Variants in TIAM1 observed in about 807,000 individuals in gnomAD.
The protein encoded by TIAM1 is TIAM Rac1 associated GEF 1.
Under a neutral mutation model 163.5 loss-of-function variants are expected in TIAM1, and 65 were observed. The ratio of observed to expected loss-of-function variants is 0.40; its 90% CI spans 0.33 to 0.49. The LOEUF (loss-of-function observed/expected upper bound fraction) is 0.49. TIAM1 is among the 20% of genes least tolerant of loss of function. The probability of loss-of-function intolerance (pLI) is 0.77; values close to 1 mark genes in which losing one functional copy is unlikely to be tolerated. For missense variants in TIAM1, 1,789 were observed against 2,044.7 expected, an observed-to-expected ratio of 0.87 and a Z score of 2.41; for synonymous variants, 833 against 810.1, an observed-to-expected ratio of 1.03 and a Z score of -0.48.
At chr21:31,405,471 G>C (rs960414452) in intron 2 of TIAM1, among the ~76,000 whole-genome samples, 3 of 152,010 alleles carry the variant, frequency 2.0e-5, no homozygotes, top group Admixed American at 2.0e-4. Flanking sequence ...CACTTCCCCT[G>C]TATTAGTCCA....
At chr21:31,343,402 A>C (rs1217709927) in intron 1 of TIAM1, among the ~76,000 whole-genome samples, 1 of 152,174 alleles carries the variant, frequency 6.6e-6, no homozygotes, top group Non-Finnish European at 1.5e-5. Flanking sequence ...AGCCCCCAGC[A>C]CCACCTTCCA....
intron 1 of TIAM1, among the ~76,000 whole-genome samples, chr21:31,502,923 A>G (rs889780284): frequency 5.9e-5 from 9 of 152,178 alleles, no homozygotes; most frequent in African/African-American, 1.7e-4. Flanking sequence ...TTGAGTTAGG[A>G]TGATGAAATT....
At chr21:31,394,278 A>G (rs888471788) in intron 2 of TIAM1, among the ~76,000 whole-genome samples, 5 of 152,160 alleles carry the variant, frequency 3.3e-5, no homozygotes, top group Non-Finnish European at 7.4e-5. Context: ...TATGACTCCA[A>G]CTACACGACA....
At chr21:31,272,115 A>G (rs1484679836) in intron 3 of TIAM1, among the ~76,000 whole-genome samples, 2 of 152,214 alleles carry the variant, frequency 1.3e-5, no homozygotes, top group African/African-American at 2.4e-5. Context: ...ATGGCTCAGA[A>G]CACTTACATT....
intron 17 of TIAM1, among the ~76,000 whole-genome samples, chr21:31,153,778 G>T (rs574036781): frequency 6.6e-6 from 1 of 151,952 alleles, no homozygotes; most frequent in Non-Finnish European, 1.5e-5. Flanking sequence ...TCACAAGAAG[G>T]CTGGGCGTGG....
chr21:31,270,037 T>C (rs2072988310), intron 3 of TIAM1, among the ~76,000 whole-genome samples: 1 of 152,222 alleles, frequency 6.6e-6, no homozygotes, highest in Non-Finnish European at 1.5e-5. Flanking sequence ...ATCATCTTAA[T>C]TTCTTCCTAT....
intron 2 of TIAM1, among the ~76,000 whole-genome samples, chr21:31,414,473 G>C (rs930962477): frequency 6.6e-6 from 1 of 152,136 alleles, no homozygotes; most frequent in Non-Finnish European, 1.5e-5. Flanking sequence ...CTAATTCCAG[G>C]GGCCAGTGGC....
At chr21:31,246,345 A>G (rs2071501531) in intron 5 of TIAM1, among the ~76,000 whole-genome samples, 2 of 152,232 alleles carry the variant, frequency 1.3e-5, no homozygotes, top group African/African-American at 4.8e-5. Flanking sequence ...TGTGAAACTA[A>G]CAAGATAGTA....
Position 31,136,231 on chromosome 21 carries a change from T to C in TIAM1, c.3775-190A>G, listed in dbSNP as rs577961373. Among the ~76,000 whole-genome samples the C allele has an allele frequency of 2.0e-3, 312 of 152,362 alleles. 1 individual carries two copies. Among genetic ancestry groups the C allele is most frequent in the Non-Finnish European group, 3.3e-3 (223 of 68,042 alleles). On this transcript the variant is annotated intron_variant, in intron 22 of 27. Transcript: ENST00000541036. ...GATTTAGCCATTCCACAATGTAACA[T>C]ATCAAAACATCATGTTGTACACCAT... is the stretch of plus-strand genomic sequence containing the variant.
At chr21:31,487,147 G>T (rs963456677) in intron 1 of TIAM1, among the ~76,000 whole-genome samples, 2 of 152,172 alleles carry the variant, frequency 1.3e-5, no homozygotes, top group Non-Finnish European at 2.9e-5. Flanking sequence ...CAGTCCAGGG[G>T]TTTAAAACTC....
intron 23 of TIAM1, among the ~76,000 whole-genome samples, chr21:31,133,082 G>GGTA (rs1448457934): frequency 6.6e-6 from 1 of 152,188 alleles, no homozygotes; most frequent in Non-Finnish European, 1.5e-5. Context: ...TGCCGACTGA[G>GGTA]GGTAACCATG....
chr21:31,241,121 C>T (rs769120042), intron 6 of TIAM1, among the ~76,000 whole-genome samples: 8 of 152,154 alleles, frequency 5.3e-5, no homozygotes, highest in Non-Finnish European at 1.0e-4. Flanking sequence ...GAGGCCTCCC[C>T]AGCCATGTGG....
chr21:31,439,039 A>G (rs2044322962), intron 2 of TIAM1, among the ~76,000 whole-genome samples: 1 of 152,238 alleles, frequency 6.6e-6, no homozygotes, highest in Non-Finnish European at 1.5e-5. Flanking sequence ...CATGCTGACT[A>G]TAATCACTAG....
chr21:31,237,784 C>A (rs1045318744), intron 6 of TIAM1, among the ~76,000 whole-genome samples: 1 of 152,110 alleles, frequency 6.6e-6, no homozygotes, highest in Non-Finnish European at 1.5e-5. Context: ...ATTTAACAGA[C>A]AAATTAATAA....
chr21:31,549,019 A>C (rs1482341619), intron 1 of TIAM1, among the ~76,000 whole-genome samples: 1 of 152,188 alleles, frequency 6.6e-6, no homozygotes, highest in African/African-American at 2.4e-5. Flanking sequence ...ACCCAGCAAA[A>C]GTTTAACACC....
chr21:31,196,664 T>A (rs57279734), intron 12 of TIAM1, among the ~76,000 whole-genome samples: 2,178 of 152,176 alleles, frequency 0.014, 54 homozygotes, highest in African/African-American at 0.048. Context: ...GTAAATTAGT[T>A]CAGCCACTGT....
chr21:31,181,742 T>C (rs1424109397), intron 15 of TIAM1, among the ~76,000 whole-genome samples: 4 of 113,412 alleles, frequency 3.5e-5, no homozygotes, highest in Non-Finnish European at 5.1e-5. Flanking sequence ...CCAGCACTTC[T>C]TCTTCTTCTT....
chr21:31,330,463 G>A (rs2075642955), intron 2 of TIAM1, among the ~76,000 whole-genome samples: 2 of 152,130 alleles, frequency 1.3e-5, no homozygotes, highest in Admixed American at 6.6e-5. Flanking sequence ...TTGGGGGACA[G>A]AGTTTCCCTC....
At chr21:31,330,524 C>G (rs1011992549) in intron 2 of TIAM1, among the ~76,000 whole-genome samples, 1 of 152,176 alleles carries the variant, frequency 6.6e-6, no homozygotes, top group African/African-American at 2.4e-5. Flanking sequence ...CTGCAACCTC[C>G]CCATCCCAGG....
Sources: gnomAD v4.1 joint callset for allele counts (sites outside exome capture counted in the v4.1 genomes callset) on GRCh38, gnomAD v4.1.1 for gene constraint, MANE v1.5 for transcripts, NCBI Gene and HGNC (gene_info 2026-07-23, HGNC 2026-07-21) for gene names.